The following PAK2 variants were observed in gnomAD, a reference collection of about 807,000 sequenced individuals.
The protein encoded by PAK2 is serine/threonine-protein kinase PAK 2.
PAK2 carries 21 observed loss-of-function variants against 65.9 expected under a neutral mutation model. The ratio of observed to expected loss-of-function variants is 0.32; its 90% confidence interval spans 0.23 to 0.46. PAK2 has a LOEUF of 0.46. Ranked by LOEUF, PAK2 falls within the 20% of genes least tolerant of loss-of-function variation. The pLI is 1.00. For synonymous variants in PAK2, 204 were observed against 219.7 expected, an observed-to-expected ratio of 0.93 and a Z score of 0.63; for missense variants, 324 against 642.6, an observed-to-expected ratio of 0.50 and a Z score of 5.36.
At position 196,812,790 on chromosome 3, in the gene PAK2, A is replaced by T; in HGVS notation, c.874A>T (p.Ile292Phe). Reference sequence around the variant, plus strand: ...GAAACAGCCAAAGAAGGAACTGATCATTAACGAGATTCTGGTGATGAAAGA... The same window carrying T: ...GAAACAGCCAAAGAAGGAACTGATCTTTAACGAGATTCTGGTGATGAAAGA... Reference protein sequence around the residue: ...LQKQPKKELIINEILVMKELK... With the variant: ...LQKQPKKELIFNEILVMKELK... Residue 292 changes from isoleucine (I) to phenylalanine (F), a missense_variant, in exon 10 of 15, where the codon ATT becomes TTT. By Grantham distance (21) the Ile-to-Phe change is conservative. Transcript: ENST00000327134. 6.3e-7 allele frequency: 1 copy of T among 1,583,624 alleles called. No homozygotes were observed.
At chr3:196,805,187 A>G (rs965289647) in intron 4 of PAK2, among the ~76,000 whole-genome samples, 165 bp from the exon 5 acceptor site, 13 of 151,860 alleles carry the variant, frequency 8.6e-5, no homozygotes, top group African/African-American at 2.4e-4. Context: ...CCTTGGTCTT[A>G]TATAAATTCT....
intron 13 of PAK2, among the ~76,000 whole-genome samples, chr3:196,826,241 G>A (rs950072788): frequency 1.6e-4 from 25 of 151,696 alleles, no homozygotes; most frequent in Middle Eastern, 3.4e-3. Context: ...GCGCAATCTC[G>A]GCTCACTGCA....
At chr3:196,759,638 T>C (rs2108718567) in intron 1 of PAK2, among the ~76,000 whole-genome samples, 1 of 151,052 alleles carries the variant, frequency 6.6e-6, no homozygotes, top group South Asian at 2.1e-4. Flanking sequence ...GCAATTCTTC[T>C]GCCTCAGCCT....
At chr3:196,811,620 T>C (rs1029873753) in intron 8 of PAK2, among the ~76,000 whole-genome samples, 2 of 151,818 alleles carry the variant, frequency 1.3e-5, no homozygotes, top group African/African-American at 4.8e-5. Flanking sequence ...TATCTTACTA[T>C]TTTTGAGCAT....
intron 12 of PAK2, 139 bp downstream of exon 12, chr3:196,818,295 C>G (rs766612497): frequency 7.7e-5 from 41 of 531,132 alleles, no homozygotes; most frequent in Non-Finnish European, 1.2e-4. Context: ...ACTGAGTGAT[C>G]CTCTGAGGGT....
At chr3:196,789,374 G>A (rs569117716) in intron 2 of PAK2, among the ~76,000 whole-genome samples, 1 of 152,290 alleles carries the variant, frequency 6.6e-6, no homozygotes, top group South Asian at 2.1e-4. Context: ...AATGAATTCT[G>A]AGATTAATAA....
Position 196,812,878 on chromosome 3 carries a change from G to A in PAK2, c.935+27G>A, listed in dbSNP as rs371677532. On this transcript the variant is annotated intron_variant, in intron 10 of 14. Coordinates refer to ENST00000327134, the MANE Select transcript of PAK2 (RefSeq NM_002577.4). Reference sequence around the variant, plus strand: ...TAAGTATGACTATTCCTTAAACACCGGGAGAAAATGTAGAAATTTTAAGTC... The same window carrying A: ...TAAGTATGACTATTCCTTAAACACCAGGAGAAAATGTAGAAATTTTAAGTC... The A allele has an allele frequency of 4.0e-4, 389 of 965,678 alleles. 5 individuals are homozygous for A. In the South Asian group the frequency reaches 4.6e-3, roughly 11 times the overall value. The allele number at this position is 965,678 out of a possible 1,614,324, so 59.8% of individuals were successfully genotyped here. A position where few individuals can be genotyped will look rare whatever the true frequency, so the allele number is the denominator to read the frequency against.
rs1479601345 is a variant in PAK2 at position 196,803,282 on chromosome 3, C to G, written c.436+118C>G. 4 of 802,922 alleles carry G rather than the reference C, an allele frequency of 5.0e-6. No individual in the cohort carries two copies. The African/African-American group carries it at 5.3e-5, about 11-fold the overall frequency. The allele number at this position is 802,922 out of a possible 1,614,324, so 49.7% of individuals were successfully genotyped here. On this transcript the variant is annotated intron_variant, in intron 4 of 14. Transcript: ENST00000327134. Reference sequence around the variant, plus strand: ...TGGTTCTTGTTGATAACGGTTTTTCCCTGGATAGATTCTACCTTTTGTAGA... The same window carrying G: ...TGGTTCTTGTTGATAACGGTTTTTCGCTGGATAGATTCTACCTTTTGTAGA...
At chr3:196,804,420 C>G (rs914312603) in intron 4 of PAK2, among the ~76,000 whole-genome samples, 1 of 151,942 alleles carries the variant, frequency 6.6e-6, no homozygotes, top group African/African-American at 2.4e-5. Flanking sequence ...TTATTTTCAC[C>G]TAGTACACAT....
chr3:196,809,892 C>A (rs1404742778), intron 7 of PAK2, among the ~76,000 whole-genome samples: 1 of 151,872 alleles, frequency 6.6e-6, no homozygotes, highest in Non-Finnish European at 1.5e-5. Flanking sequence ...GTTTTTCTTA[C>A]TAGTAATAAG....
chr3:196,764,841 C>CT (rs57199433), intron 1 of PAK2, among the ~76,000 whole-genome samples: 8,731 of 107,608 alleles, frequency 0.081, 516 homozygotes, highest in African/African-American at 0.11. Flanking sequence ...TCTTTTCTTT[C>CT]TTTTTTTTTT....
In PAK2 at chr3:196,806,676, A is replaced by G. The variant is rs747343814; in HGVS notation, c.566A>G (p.His189Arg). The G allele has an allele frequency of 1.3e-6, 2 of 1,594,686 alleles. No homozygotes were observed. The highest frequency in any genetic ancestry group is 2.2e-5 in the South Asian group (2 of 90,702). ...APPVIAPRPDHTKSIYTRSVI... is the reference protein window; with the variant it reads ...APPVIAPRPDRTKSIYTRSVI... ...CCCGTTATTGCCCCGCGACCGGATCATACGAAATCAGTGAGTCTCCATCGG... is the reference window on the plus strand; with the variant it reads ...CCCGTTATTGCCCCGCGACCGGATCGTACGAAATCAGTGAGTCTCCATCGG... Residue 189 changes from histidine (H) to arginine (R), a missense_variant, in exon 6 of 15, where the codon CAT becomes CGT. Physicochemically the swap from His to Arg is conservative, Grantham distance 29. This residue lies in a region of PAK2 where 183 missense variants were observed against 246.2 expected (regional missense o/e 0.74). Coordinates refer to ENST00000327134, the MANE Select transcript of PAK2 (RefSeq NM_002577.4).
At chr3:196,759,489 G>GTTTTTTTTGT (rs1713877566) in intron 1 of PAK2, among the ~76,000 whole-genome samples, 28 of 98,880 alleles carry the variant, frequency 2.8e-4, no homozygotes, top group African/African-American at 8.2e-4. Flanking sequence ...CAGTTAAGTG[G>GTTTTTTTTGT]TTTTTTTTGT....
In PAK2 at chr3:196,820,480, C is replaced by A. The variant is rs3210515; in HGVS notation, c.1263C>A (p.Gly421=). The change falls in exon 13 of 15, where the codon GGC becomes GGA. Residue 421 remains glycine, a synonymous_variant. Transcript: ENST00000327134. This position sits in a 1 kb window ranked among gnomAD's most constrained non-coding sequence, Gnocchi z 4.6. The part of the protein sequence containing the change: ...APEVVTRKAY[G]PKVDIWSLGI... ...AGGTGGTTACACGGAAAGCTTATGG[C>A]CCTAAAGTCGACATATGGTCTCTGG... The A allele has an allele frequency of 6.2e-7, 1 of 1,612,490 alleles. No individual in the cohort carries two copies. The highest frequency in any genetic ancestry group is 2.2e-5 in the East Asian group (1 of 44,858).
intron 1 of PAK2, among the ~76,000 whole-genome samples, chr3:196,772,018 A>T (rs1313173523): frequency 6.6e-6 from 1 of 152,126 alleles, no homozygotes; most frequent in Non-Finnish European, 1.5e-5. Flanking sequence ...GTGTTTTCAT[A>T]TTCGCTCTAT....
chr3:196,814,052 G>A (rs763632161), intron 10 of PAK2, among the ~76,000 whole-genome samples: 35 of 152,286 alleles, frequency 2.3e-4, no homozygotes, highest in Admixed American at 1.4e-3. Context: ...CAGGGGCTTC[G>A]GAATCGTTGA....
At chr3:196,747,220 TATTA>T (rs1713415996) in intron 1 of PAK2, 1 of 152,162 alleles carries the variant, frequency 6.6e-6, no homozygotes, top group African/African-American at 2.4e-5. Context: ...ATGTTAATGT[TATTA>T]ATTCTTAATG....
intron 1 of PAK2, among the ~76,000 whole-genome samples, chr3:196,763,420 C>G (rs547951292): frequency 3.9e-4 from 60 of 152,112 alleles, no homozygotes; most frequent in Non-Finnish European, 7.4e-4. Context: ...TGATGTCTCT[C>G]CAGCGCCCTA....
At chr3:196,822,934 G>A (rs1377485070) in intron 13 of PAK2, among the ~76,000 whole-genome samples, 1 of 152,138 alleles carries the variant, frequency 6.6e-6, no homozygotes, top group African/African-American at 2.4e-5. Flanking sequence ...ACAGCGAGAG[G>A]TGCGGTCGAT....
Sources: gnomAD v4.1 joint callset for allele counts (sites outside exome capture counted in the v4.1 genomes callset) on GRCh38, gnomAD v4.1.1 for gene constraint, gnomAD v4.1.1 regional missense constraint, Gnocchi (gnomAD v3.1) non-coding constraint, MANE v1.5 for transcripts, NCBI Gene and HGNC (gene_info 2026-07-23, HGNC 2026-07-21) for gene names.